The following ETS1 variants were observed in gnomAD, a reference collection of about 807,000 sequenced individuals.
ETS1 encodes ETS proto-oncogene 1, transcription factor, also known as protein C-ets-1.
In ETS1, 15 loss-of-function variants were observed where a neutral mutation model predicts 58.6. The observed-to-expected ratio is 0.26, with a 90% CI of 0.17 to 0.39. The LOEUF is 0.39. Among genes scored for constraint, ETS1 ranks in the 10% least tolerant of loss-of-function variants. The pLI is 1.00. For synonymous variants in ETS1, 214 were observed against 218.2 expected, an observed-to-expected ratio of 0.98 and a Z score of 0.17; for missense variants, 417 against 610.5, an observed-to-expected ratio of 0.68 and a Z score of 3.34.
chr11:128,498,275 C>G (rs1032324656), intron 3 of ETS1, among the ~76,000 whole-genome samples: 1 of 152,070 alleles, frequency 6.6e-6, no homozygotes, highest in East Asian at 1.9e-4. Context: ...TTTTATTTCC[C>G]AATGCTTACA....
intron 8 of ETS1, among the ~76,000 whole-genome samples, chr11:128,471,871 G>A (rs1862197268): frequency 6.6e-6 from 1 of 152,138 alleles, no homozygotes; most frequent in South Asian, 2.1e-4. Flanking sequence ...TTGCTCTCTG[G>A]AATTTATTTT....
rs1861875529 is a variant in ETS1 at position 128,460,232 on chromosome 11, C to T, written c.*2129G>A. 6.5e-6 allele frequency: 1 copy of T among 152,778 alleles called. No homozygotes were observed. Among genetic ancestry groups the T allele is most frequent in the Admixed American group, 6.5e-5 (1 of 15,288 alleles). 9.5% of individuals were successfully genotyped at this position (152,778 alleles called of 1,614,324 possible). ...ACAGTTCCACCCAACACTCCCTGAG[C>T]AGCTCCTAAAATATTTTGAGAGCTT... is the stretch of plus-strand genomic sequence containing the variant. On this transcript the variant is annotated 3_prime_UTR_variant, in exon 10 of 10. Transcript: ENST00000392668.
chr11:128,513,469 C>T (rs1034056853), intron 3 of ETS1, among the ~76,000 whole-genome samples: 2 of 152,224 alleles, frequency 1.3e-5, no homozygotes, highest in Non-Finnish European at 2.9e-5. Context: ...CCCACATTCT[C>T]CTCACAGAGT....
chr11:128,577,169 A>T (rs1235154452), intron 1 of ETS1, among the ~76,000 whole-genome samples: 1 of 152,210 alleles, frequency 6.6e-6, no homozygotes, highest in Non-Finnish European at 1.5e-5. Context: ...AATTGGTCTC[A>T]CAAGACTAAA....
At chr11:128,466,807 G>C (rs1440806076) in intron 8 of ETS1, among the ~76,000 whole-genome samples, 2 of 151,958 alleles carry the variant, frequency 1.3e-5, no homozygotes, top group Non-Finnish European at 2.9e-5. Context: ...GAAAGAGGGA[G>C]GATAGATAGG....
intron 2 of ETS1, among the ~76,000 whole-genome samples, chr11:128,558,496 T>C (rs1004913144): frequency 1.3e-4 from 19 of 151,818 alleles, no homozygotes; most frequent in African/African-American, 1.5e-4. Context: ...AATACAAAAA[T>C]TAGCCAGGCG....
intron 3 of ETS1, among the ~76,000 whole-genome samples, chr11:128,510,878 A>G (rs1177299625): frequency 6.6e-6 from 1 of 152,180 alleles, no homozygotes; most frequent in Non-Finnish European, 1.5e-5. Flanking sequence ...TCTGCCTCCC[A>G]TAATGACCAA....
At chr11:128,519,423 C>T (rs1863605913) in intron 3 of ETS1, among the ~76,000 whole-genome samples, 1 of 152,180 alleles carries the variant, frequency 6.6e-6, no homozygotes, top group Non-Finnish European at 1.5e-5. Flanking sequence ...GCTGTCTCCA[C>T]ACATAAGAAA....
chr11:128,522,737 A>C (rs889577977), intron 3 of ETS1, among the ~76,000 whole-genome samples: 7 of 152,174 alleles, frequency 4.6e-5, no homozygotes, highest in Non-Finnish European at 1.0e-4. Context: ...GTAGCAGCAT[A>C]GTTTTCCAAG....
chr11:128,568,095 G>A (rs1591668776), intron 2 of ETS1, among the ~76,000 whole-genome samples: 1 of 152,198 alleles, frequency 6.6e-6, no homozygotes, highest in Non-Finnish European at 1.5e-5. Context: ...GGCCACTCCT[G>A]CCCGAGCATG....
intron 1 of ETS1, among the ~76,000 whole-genome samples, chr11:128,582,078 A>G (rs1304823282): frequency 6.6e-6 from 1 of 152,204 alleles, no homozygotes; most frequent in Non-Finnish European, 1.5e-5. Flanking sequence ...ACAGCTTGCT[A>G]GCATTCTTAT....
In ETS1 at chr11:128,464,464, C is replaced by T. The variant is rs974687177; in HGVS notation, c.1124-837G>A. 2.6e-5 allele frequency among the ~76,000 whole-genome samples: 4 copies of T among 151,858 alleles called. No individual in the cohort carries two copies. The East Asian group carries it at 5.8e-4, about 22-fold the overall frequency. ...CTATGCTAAAAGGTTTATATCACACCGATTTCCTTTGAGGATACTTTTCTC... is the reference window on the plus strand; with the variant it reads ...CTATGCTAAAAGGTTTATATCACACTGATTTCCTTTGAGGATACTTTTCTC... On this transcript the variant is annotated intron_variant, in intron 8 of 9. Transcript: ENST00000392668. This position sits in a 1 kb window ranked among gnomAD's most constrained non-coding sequence, Gnocchi z 4.1.
intron 8 of ETS1, among the ~76,000 whole-genome samples, chr11:128,469,004 C>G (rs973666134): frequency 2.0e-5 from 3 of 152,316 alleles, no homozygotes; most frequent in East Asian, 3.9e-4. Flanking sequence ...ATTACTGAAA[C>G]AAACCTCCTC....
intron 3 of ETS1, among the ~76,000 whole-genome samples, chr11:128,548,546 A>G (rs1864173772): frequency 6.6e-6 from 1 of 152,170 alleles, no homozygotes; most frequent in Non-Finnish European, 1.5e-5. Context: ...CTATCTCTCT[A>G]TGTCCCCAAC....
intron 2 of ETS1, among the ~76,000 whole-genome samples, chr11:128,572,573 G>C (rs551694369): frequency 3.2e-4 from 48 of 152,276 alleles, no homozygotes; most frequent in Middle Eastern, 6.8e-3. Flanking sequence ...CTATTTTAAA[G>C]TTTCTTTGTC....
chr11:128,519,064 A>G (rs773695976), intron 3 of ETS1, among the ~76,000 whole-genome samples: 3 of 152,196 alleles, frequency 2.0e-5, no homozygotes, highest in African/African-American at 7.2e-5. Flanking sequence ...CCCAATGGCT[A>G]TATTTGTTTT....
rs781445139 is a variant in ETS1 at position 128,490,583 on chromosome 11, G to GA, written c.215-8dup. 12 of 1,603,110 alleles carry GA rather than the reference G, an allele frequency of 7.5e-6. No individual in the cohort carries two copies. The South Asian group carries it at 7.7e-5, about 10-fold the overall frequency. On this transcript the variant is annotated splice_polypyrimidine_tract_variant and splice_region_variant and intron_variant, in intron 3 of 9. Coordinates refer to ENST00000392668, the MANE Select transcript of ETS1 (RefSeq NM_001143820.2). ...ACATCTGCACATTCCATATCTGCAT[G>GA]AAAAAATTGCATATGAATAACAAAA...
chr11:128,542,152 G>A (rs918830634), intron 3 of ETS1, among the ~76,000 whole-genome samples: 1 of 152,178 alleles, frequency 6.6e-6, no homozygotes, highest in African/African-American at 2.4e-5. Flanking sequence ...GGTGGTACAT[G>A]TCTCACATGG....
At chr11:128,569,318 C>CTT (rs398018017) in intron 2 of ETS1, among the ~76,000 whole-genome samples, 465 of 39,442 alleles carry the variant, frequency 0.012, 100 homozygotes, top group African/African-American at 0.045. Context: ...AGAGTTTCTT[C>CTT]TTTTTTTTTT....
Sources: allele counts gnomAD v4.1 joint callset (sites outside exome capture counted in the v4.1 genomes callset), GRCh38; gene constraint gnomAD v4.1.1; non-coding constraint Gnocchi (gnomAD v3.1); transcripts MANE v1.5; gene names NCBI Gene and HGNC (gene_info 2026-07-23, HGNC 2026-07-21).